The following SCHIP1 variants were observed in gnomAD, a reference collection of about 807,000 sequenced individuals.
SCHIP1 encodes schwannomin interacting protein 1.
A neutral mutation model predicts 29.7 loss-of-function variants in SCHIP1; 8 were observed. That is an observed-to-expected ratio of 0.27 (90% confidence interval 0.16 to 0.49). The LOEUF is 0.49. Ranked by LOEUF, SCHIP1 falls within the 20% of genes least tolerant of loss-of-function variation. SCHIP1 has a pLI of 0.99. For synonymous variants in SCHIP1, 76 were observed against 94.9 expected (o/e 0.80, Z 1.16); for missense variants, 193 against 294.6 (o/e 0.66, Z 2.52).
At chr3:159,816,013 A>G in the SCHIP1 span, among the ~76,000 whole-genome samples, 1 of 151,244 alleles carries the variant, frequency 6.6e-6, no homozygotes, top group Non-Finnish European at 1.5e-5. Flanking sequence ...CAGTGGTGCA[A>G]TCTCAGCTCA....
At chr3:159,502,646 C>G in the SCHIP1 span, among the ~76,000 whole-genome samples, 1 of 151,796 alleles carries the variant, frequency 6.6e-6, no homozygotes, top group Non-Finnish European at 1.5e-5. Context: ...CTCCCCACTC[C>G]CCCCACCCCA....
the SCHIP1 span, among the ~76,000 whole-genome samples, chr3:159,438,788 G>A: frequency 6.6e-6 from 1 of 152,002 alleles, no homozygotes; most frequent in South Asian, 2.1e-4. Flanking sequence ...ATGGCCTCTA[G>A]CTCCATCCAT....
At chr3:159,540,624 T>TA in the SCHIP1 span, among the ~76,000 whole-genome samples, 3 of 152,112 alleles carry the variant, frequency 2.0e-5, no homozygotes, top group African/African-American at 7.2e-5. Context: ...GCAGAAGAGA[T>TA]AAAACTTTCC....
chr3:159,361,698 C>G, the SCHIP1 span, among the ~76,000 whole-genome samples: 1 of 152,192 alleles, frequency 6.6e-6, no homozygotes, highest in Non-Finnish European at 1.5e-5. Flanking sequence ...CAGGGTGGTA[C>G]AGACCATGCT....
chr3:159,875,609 GAC>G (rs1324545049), intron 2 of SCHIP1, among the ~76,000 whole-genome samples: 1 of 152,198 alleles, frequency 6.6e-6, no homozygotes, highest in Admixed American at 6.5e-5. Context: ...CATGTGTCTA[GAC>G]ACACACAGTT....
At chr3:159,537,195 C>T in the SCHIP1 span, among the ~76,000 whole-genome samples, 1 of 152,166 alleles carries the variant, frequency 6.6e-6, no homozygotes, top group Non-Finnish European at 1.5e-5. Context: ...GATGAAATTT[C>T]TGCTGACTCT....
the SCHIP1 span, among the ~76,000 whole-genome samples, chr3:159,608,832 A>G: frequency 6.6e-6 from 1 of 152,170 alleles, no homozygotes; most frequent in African/African-American, 2.4e-5. Flanking sequence ...CTGGTGTCCT[A>G]AACAAGCCGA....
chr3:159,320,244 CT>C, the SCHIP1 span, among the ~76,000 whole-genome samples: 1 of 152,104 alleles, frequency 6.6e-6, no homozygotes, highest in Non-Finnish European at 1.5e-5. Flanking sequence ...CTGATAGAGA[CT>C]GAAAAAACAT....
At chr3:159,749,073 A>G in the SCHIP1 span, among the ~76,000 whole-genome samples, 5 of 152,152 alleles carry the variant, frequency 3.3e-5, no homozygotes, top group African/African-American at 2.4e-5. Flanking sequence ...GGAGTTCAAG[A>G]CCAGCCTTAG....
chr3:159,384,428 T>C, the SCHIP1 span, among the ~76,000 whole-genome samples: 50 of 150,438 alleles, frequency 3.3e-4, no homozygotes. Context: ...TTTGTGTATA[T>C]TGAACCAGCC....
chr3:159,439,043 G>A, the SCHIP1 span, among the ~76,000 whole-genome samples: 12 of 152,050 alleles, frequency 7.9e-5, no homozygotes, highest in Non-Finnish European at 1.6e-4. Flanking sequence ...ATTTCTGCCC[G>A]TAGGTCTTTG....
At chr3:159,423,657 A>C in the SCHIP1 span, among the ~76,000 whole-genome samples, 1 of 152,188 alleles carries the variant, frequency 6.6e-6, no homozygotes, top group Admixed American at 6.5e-5. Context: ...AGACAGCAGT[A>C]ACCTCCGCAG....
chr3:159,488,283 A>C, the SCHIP1 span, among the ~76,000 whole-genome samples: 1 of 152,182 alleles, frequency 6.6e-6, no homozygotes, highest in Non-Finnish European at 1.5e-5. Context: ...CAACAGAGTG[A>C]CTACAGTCAA....
chr3:159,830,187 C>T, the SCHIP1 span, among the ~76,000 whole-genome samples: 1 of 152,114 alleles, frequency 6.6e-6, no homozygotes. Flanking sequence ...CTATGTAAAG[C>T]TATATCTGGA....
chr3:159,669,656 C>T, the SCHIP1 span, among the ~76,000 whole-genome samples: 1 of 152,200 alleles, frequency 6.6e-6, no homozygotes, highest in East Asian at 1.9e-4. Context: ...TCTCCAACCC[C>T]TCAACTTACT....
Position 159,875,863 on chromosome 3 carries a change from T to C in SCHIP1, c.149+9582T>C, listed in dbSNP as rs1442028298. On this transcript the variant is annotated intron_variant, in intron 2 of 6. Coordinates refer to ENST00000445224, the Ensembl canonical transcript of SCHIP1. The stretch of plus-strand genomic sequence containing the variant: ...GTCACAGCTACTCAGGAGGCTGAGA[T>C]GGGAGGATCCCTTGAGCCCAGGAGC... Among the ~76,000 whole-genome samples the C allele has an allele frequency of 2.0e-5, 3 of 152,178 alleles. No individual in the cohort carries two copies. The South Asian group carries it at 6.2e-4, about 31-fold the overall frequency.
intron 2 of SCHIP1, among the ~76,000 whole-genome samples, chr3:159,874,464 C>G (rs1577472086): frequency 6.6e-6 from 1 of 152,292 alleles, no homozygotes; most frequent in Middle Eastern, 3.4e-3. Context: ...TAATGGACAC[C>G]TGCCATCTCC....
chr3:159,519,385 A>G, the SCHIP1 span, among the ~76,000 whole-genome samples: 1 of 152,186 alleles, frequency 6.6e-6, no homozygotes, highest in African/African-American at 2.4e-5. Flanking sequence ...GATTACTTCG[A>G]GGATCTAGTG....
chr3:159,519,733 AAT>A, the SCHIP1 span, among the ~76,000 whole-genome samples: 1 of 152,146 alleles, frequency 6.6e-6, no homozygotes, highest in Non-Finnish European at 1.5e-5. Context: ...ATGTGTTAAT[AAT>A]ATGAGTCTTA....
Sources: gnomAD v4.1 joint callset for allele counts (sites outside exome capture counted in the v4.1 genomes callset) on GRCh38, gnomAD v4.1.1 for gene constraint, MANE v1.5 for transcripts, NCBI Gene and HGNC (gene_info 2026-07-23, HGNC 2026-07-21) for gene names.